Variants in SDHAF3 observed in about 807,000 individuals in gnomAD.
SDHAF3 encodes succinate dehydrogenase complex assembly factor 3.
A neutral mutation model predicts 11.5 loss-of-function variants in SDHAF3; 18 were observed. That is an observed-to-expected ratio of 1.56 (90% confidence interval 1.08 to 2.32). The LOEUF (loss-of-function observed/expected upper bound fraction) is 2.32, where lower values mean the gene tolerates loss of function less well. SDHAF3 is among the 30% of genes most tolerant of loss of function. The pLI is 0.00. For missense variants in SDHAF3, 200 were observed against 154.4 expected (o/e 1.30, Z -1.57); for synonymous variants, 72 against 59.3 (o/e 1.21, Z -0.99).
chr7:97,170,156 A>T (rs1047485022), intron 1 of SDHAF3, among the ~76,000 whole-genome samples: 5 of 151,932 alleles, frequency 3.3e-5, no homozygotes, highest in African/African-American at 1.2e-4. Flanking sequence ...AGTGAACCAC[A>T]CATATTAATG....
At chr7:97,121,567 G>A (rs1022716657) in intron 1 of SDHAF3, among the ~76,000 whole-genome samples, 3 of 152,176 alleles carry the variant, frequency 2.0e-5, no homozygotes, top group African/African-American at 7.2e-5. Flanking sequence ...TCCAGACAAT[G>A]TGCTAGGCAT....
intron 1 of SDHAF3, among the ~76,000 whole-genome samples, chr7:97,150,604 C>G (rs1173671595): frequency 1.3e-5 from 2 of 149,806 alleles, no homozygotes; most frequent in African/African-American, 2.5e-5. Flanking sequence ...CGCTCTGTCC[C>G]CCAGGCTGGA....
chr7:97,135,581 ATGTGTGTGTGTGTGTGTGTGTCTG>A (rs1791742292), intron 1 of SDHAF3: 1 of 137,142 alleles, frequency 7.3e-6, no homozygotes, highest in African/African-American at 2.8e-5. Flanking sequence ...TAGTCCCCAT[ATGTGTGTGTGTGTGTGTGTGTCTG>A]TGTGTGTGTG....
intron 1 of SDHAF3, among the ~76,000 whole-genome samples, chr7:97,147,406 A>C (rs1789152412): frequency 6.6e-6 from 1 of 152,346 alleles, no homozygotes; most frequent in Non-Finnish European, 1.5e-5. Context: ...TAAAAGCTTA[A>C]GCTTTTTGTT....
chr7:97,166,528 G>C (rs1009361709), intron 1 of SDHAF3, among the ~76,000 whole-genome samples: 2 of 152,198 alleles, frequency 1.3e-5, no homozygotes, highest in Non-Finnish European at 2.9e-5. Context: ...TCTCCTGATA[G>C]TAGCTTTTGG....
chr7:97,169,199 G>A (rs797004294), intron 1 of SDHAF3, among the ~76,000 whole-genome samples: 4 of 152,180 alleles, frequency 2.6e-5, no homozygotes, highest in East Asian at 1.9e-4. Context: ...GGTGGTGGGC[G>A]CCTGTAATCC....
chr7:97,143,227 T>C (rs1367772855), intron 1 of SDHAF3, among the ~76,000 whole-genome samples: 1 of 152,162 alleles, frequency 6.6e-6, no homozygotes, highest in Non-Finnish European at 1.5e-5. Context: ...ATATTTACTT[T>C]GTTTAAAAAC....
chr7:97,123,899 C>T (rs923158946), intron 1 of SDHAF3, among the ~76,000 whole-genome samples: 61 of 150,654 alleles, frequency 4.0e-4, no homozygotes, highest in African/African-American at 1.3e-3. Context: ...GGATAGTAGC[C>T]CTTTGTCAGA....
At chr7:97,160,843 T>G (rs921792705) in intron 1 of SDHAF3, among the ~76,000 whole-genome samples, 5 of 152,174 alleles carry the variant, frequency 3.3e-5, no homozygotes, top group African/African-American at 1.2e-4. Context: ...AATAAGACTT[T>G]TCTTTTTCTT....
chr7:97,179,385 G>C (rs1191225631), intron 1 of SDHAF3, among the ~76,000 whole-genome samples: 1 of 151,788 alleles, frequency 6.6e-6, no homozygotes, highest in African/African-American at 2.4e-5. Context: ...TTGATACATA[G>C]ACTTGTAGCT....
chr7:97,150,575 T>G (rs1015305561), intron 1 of SDHAF3, among the ~76,000 whole-genome samples: 1 of 148,736 alleles, frequency 6.7e-6, no homozygotes, highest in Non-Finnish European at 1.5e-5. Flanking sequence ...TTTTTTTTTT[T>G]TTTTTTGAGA....
intron 1 of SDHAF3, among the ~76,000 whole-genome samples, chr7:97,121,841 GTTTTTTTTTTTTGTTTT>G (rs1233574979): frequency 2.0e-4 from 27 of 135,760 alleles, no homozygotes; most frequent in African/African-American, 6.6e-4. Flanking sequence ...AGGTTTTTTG[GTTTTTTTTTTTTGTTTT>G]TTTTTTTTTT....
intron 1 of SDHAF3, among the ~76,000 whole-genome samples, chr7:97,118,193 A>G (rs1584204075): frequency 6.6e-6 from 1 of 152,192 alleles, no homozygotes; most frequent in African/African-American, 2.4e-5. Context: ...TAAGTGCTCA[A>G]AAACCTCAGG....
At chr7:97,143,210 T>C (rs1003243290) in intron 1 of SDHAF3, among the ~76,000 whole-genome samples, 1 of 152,076 alleles carries the variant, frequency 6.6e-6, no homozygotes, top group African/African-American at 2.4e-5. Context: ...CTTAAATTCT[T>C]CTAAGAATAT....
chr7:97,117,928 A>G (rs773565947), intron 1 of SDHAF3, 31 bp downstream of exon 1: 1 of 1,607,506 alleles, frequency 6.2e-7, no homozygotes, highest in Non-Finnish European at 8.5e-7. Flanking sequence ...TTTGCCCAAG[A>G]CCTTTGGGGT....
intron 1 of SDHAF3, among the ~76,000 whole-genome samples, chr7:97,125,257 T>A (rs959969106): frequency 2.0e-5 from 3 of 152,180 alleles, no homozygotes; most frequent in African/African-American, 7.2e-5. Flanking sequence ...TTATTTCTTG[T>A]CTTCTGCTAG....
At chr7:97,135,047 C>T (rs1791729231) in intron 1 of SDHAF3, 1 of 151,450 alleles carries the variant, frequency 6.6e-6, no homozygotes, top group Admixed American at 6.6e-5. Flanking sequence ...GTCTGTCATC[C>T]TGTTCATCCT....
At chr7:97,146,456 C>G (rs1437144483) in intron 1 of SDHAF3, among the ~76,000 whole-genome samples, 4 of 152,072 alleles carry the variant, frequency 2.6e-5, no homozygotes, top group Non-Finnish European at 5.9e-5. Context: ...AGGCAAAACA[C>G]TTTTTATTGT....
At chr7:97,153,794 C>T (rs1437291893) in intron 1 of SDHAF3, among the ~76,000 whole-genome samples, 1 of 152,168 alleles carries the variant, frequency 6.6e-6, no homozygotes, top group Non-Finnish European at 1.5e-5. Flanking sequence ...TTTTACATTT[C>T]CACCAGCAGT....
Sources: gnomAD v4.1 joint callset for allele counts (sites outside exome capture counted in the v4.1 genomes callset) on GRCh38, gnomAD v4.1.1 for gene constraint, MANE v1.5 for transcripts, NCBI Gene and HGNC (gene_info 2026-07-23, HGNC 2026-07-21) for gene names.